Variants in PPP2R5C observed in about 807,000 individuals in gnomAD.
PPP2R5C encodes the protein protein phosphatase 2 regulatory subunit B'gamma.
In PPP2R5C, 7 loss-of-function variants were observed where a neutral mutation model predicts 68.9. The ratio of observed to expected loss-of-function variants is 0.10; its 90% confidence interval spans 0.06 to 0.19. PPP2R5C has a LOEUF of 0.19. Ranked by LOEUF, PPP2R5C falls within the 10% of genes least tolerant of loss-of-function variation. PPP2R5C has a pLI of 1.00. For synonymous variants in PPP2R5C, 210 were observed against 222.2 expected (o/e 0.95, Z 0.49); for missense variants, 348 against 641.3 (o/e 0.54, Z 4.94).
At chr14:101,844,401 C>T (rs1235766502) in intron 1 of PPP2R5C, among the ~76,000 whole-genome samples, 2 of 152,154 alleles carry the variant, frequency 1.3e-5, no homozygotes, top group South Asian at 2.1e-4. Context: ...ACATGGTACC[C>T]GTGTTGCTCT....
At chr14:101,921,236 G>A in intron 13 of PPP2R5C, 1 of 211,194 alleles carries the variant, frequency 4.7e-6, no homozygotes, top group South Asian at 4.5e-5. Flanking sequence ...GCTGATTTTT[G>A]TATTTTTAGC....
chr14:101,836,359 C>A, intron 1 of PPP2R5C: 1 of 702,540 alleles, frequency 1.4e-6, no homozygotes. Flanking sequence ...CAGCCTTCTC[C>A]CCTGCCCTTC....
chr14:101,789,800 C>G (rs1471509119), intron 3 of PPP2R5C: 1 of 151,878 alleles, frequency 6.6e-6, no homozygotes, highest in African/African-American at 2.4e-5. Context: ...ATTTCAGAAA[C>G]AATAAAATGT....
chr14:101,822,088 C>CCA (rs542594926), intron 1 of PPP2R5C, among the ~76,000 whole-genome samples: 3 of 138,902 alleles, frequency 2.2e-5, no homozygotes, highest in African/African-American at 8.5e-5. Flanking sequence ...TGCCCCCCCC[C>CCA]CACACACACA....
In PPP2R5C at chr14:101,917,393, T is replaced by C. The variant is rs748223766; in HGVS notation, c.1327-438T>C. On this transcript the variant is annotated intron_variant, in intron 12 of 13. Coordinates refer to ENST00000334743, the Ensembl canonical transcript of PPP2R5C. This position sits in a 1 kb window ranked among gnomAD's most constrained non-coding sequence, Gnocchi z 4.4. ...TGCCAGCTGTCTCGATGAGAGGACA[T>C]GATCGTGAGAGGAAAGGGAAAAGAA... Among the ~76,000 whole-genome samples, 1 of 151,736 alleles carries C rather than the reference T, an allele frequency of 6.6e-6. No individual in the cohort carries two copies. Among genetic ancestry groups the C allele is most frequent in the Admixed American group, 6.6e-5 (1 of 15,246 alleles).
rs778934811 is a variant in PPP2R5C, at chr14:101,830,951, A to G, written c.94+20915A>G. 4.6e-5 allele frequency among the ~76,000 whole-genome samples: 7 copies of G among 152,352 alleles called. No homozygotes were observed. The Middle Eastern group carries it at 0.01, about 222-fold the overall frequency. On this transcript the variant is annotated intron_variant, in intron 1 of 13. Coordinates refer to ENST00000334743, the Ensembl canonical transcript of PPP2R5C. ...TACCGTCACGGCAGCATTTGCAGGT[A>G]TTGGAGCTTTATTGTAAGTTTCTTC...
intron 2 of PPP2R5C, among the ~76,000 whole-genome samples, chr14:101,872,706 T>C (rs2043506821): frequency 6.6e-6 from 1 of 152,216 alleles, no homozygotes; most frequent in Non-Finnish European, 1.5e-5. Context: ...TCTGGGAGCT[T>C]TCACAGTTGT....
In PPP2R5C at chr14:101,917,972, G is replaced by C; in HGVS notation, c.1443+25G>C. 1.2e-6 allele frequency: 2 copies of C among 1,613,580 alleles called. No homozygotes were observed. Among genetic ancestry groups the C allele is most frequent in the Non-Finnish European group, 1.7e-6 (2 of 1,179,728 alleles). ...GGTAAAAGTGCACCGAGCTCAGCTG[G>C]GCACCCATGACTGATTTGCTTAAGA... On this transcript the variant is annotated intron_variant, in intron 13 of 13. Coordinates refer to ENST00000334743, the Ensembl canonical transcript of PPP2R5C. This position sits in a 1 kb window ranked among gnomAD's most constrained non-coding sequence, Gnocchi z 4.4.
At chr14:101,829,724 G>A (rs1287159307) in intron 1 of PPP2R5C, among the ~76,000 whole-genome samples, 1 of 152,114 alleles carries the variant, frequency 6.6e-6, no homozygotes, top group Non-Finnish European at 1.5e-5. Flanking sequence ...ATTACAGCGG[G>A]AGCAGGCAAC....
rs2046018436 is a variant in PPP2R5C, at chr14:101,906,305, A to C, written c.1024-97A>C. 1 of 1,303,958 alleles carries C rather than the reference A, an allele frequency of 7.7e-7. No individual in the cohort carries two copies. The highest frequency in any genetic ancestry group is 1.0e-6 in the Non-Finnish European group (1 of 958,178). 80.8% of individuals were successfully genotyped at this position (1,303,958 alleles called of 1,614,324 possible). A position where few individuals can be genotyped will look rare whatever the true frequency, so the allele number is the denominator to read the frequency against. On this transcript the variant is annotated intron_variant, in intron 9 of 13. Coordinates refer to ENST00000334743, the Ensembl canonical transcript of PPP2R5C. The surrounding 1 kb of genome is among the most constrained non-coding windows in gnomAD (Gnocchi z 4.0). ...GAAATAATCATAATTTTCTGGTCCA[A>C]GGTAGTTCATTACCCGACTCACAGG...
chr14:101,832,776 C>T (rs539787405), intron 1 of PPP2R5C, among the ~76,000 whole-genome samples: 4 of 152,286 alleles, frequency 2.6e-5, no homozygotes, highest in South Asian at 2.1e-4. Context: ...TCATCCACCC[C>T]GCCACTCCCA....
chr14:101,797,335 A>C lies in PPP2R5C; in HGVS notation c.259+11152A>C, dbSNP rs2038662121. On this transcript the variant is annotated intron_variant, in intron 3 of 14. Transcript: ENST00000328724. The surrounding 1 kb of genome is among the most constrained non-coding windows in gnomAD (Gnocchi z 4.2). Reference sequence around the variant, plus strand: ...ATCAGTGGATGGACGCGTGGGTTGCAGAGCACGCCACACACATTCAGTCAG... The same window carrying C: ...ATCAGTGGATGGACGCGTGGGTTGCCGAGCACGCCACACACATTCAGTCAG... The C allele has an allele frequency of 2.2e-6, 1 of 455,782 alleles. No homozygotes were observed. The highest frequency in any genetic ancestry group is 2.0e-5 in the African/African-American group (1 of 50,076). 28.2% of individuals were successfully genotyped at this position (455,782 alleles called of 1,614,324 possible). A position where few individuals can be genotyped will look rare whatever the true frequency, so the allele number is the denominator to read the frequency against.
chr14:101,831,768 C>T (rs1042311498), intron 1 of PPP2R5C: 35 of 702,090 alleles, frequency 5.0e-5, no homozygotes, highest in Admixed American at 8.0e-5. Context: ...ACGGGTTCTG[C>T]GGGCCGACTG....
At chr14:101,866,781 A>G (rs2043094840) in intron 2 of PPP2R5C, among the ~76,000 whole-genome samples, 2 of 152,146 alleles carry the variant, frequency 1.3e-5, no homozygotes. Context: ...CACTTTTGTA[A>G]TTTTTAAAAA....
intron 1 of PPP2R5C, among the ~76,000 whole-genome samples, chr14:101,821,442 T>TGG (rs1468681928): frequency 7.8e-5 from 7 of 90,066 alleles, no homozygotes; most frequent in African/African-American, 2.6e-4. Flanking sequence ...CTGTGGGGGG[T>TGG]GGGTGGGTGG....
chr14:101,774,277 C>T (rs1338286907), intron 2 of PPP2R5C, among the ~76,000 whole-genome samples: 1 of 152,220 alleles, frequency 6.6e-6, no homozygotes, highest in East Asian at 1.9e-4. Flanking sequence ...AGAGACTAAA[C>T]TGCAGAGAAT....
chr14:101,769,592 TTAAA>T (rs1325513811), intron 2 of PPP2R5C, among the ~76,000 whole-genome samples: 8 of 152,244 alleles, frequency 5.3e-5, no homozygotes, highest in East Asian at 1.9e-4. Flanking sequence ...GTAATTCATT[TTAAA>T]TAAATAACAG....
intron 3 of PPP2R5C, among the ~76,000 whole-genome samples, chr14:101,787,368 G>A (rs1056739375): frequency 2.6e-5 from 4 of 152,030 alleles, no homozygotes; most frequent in African/African-American, 7.2e-5. Context: ...GTGGAAGGAG[G>A]AAGGGAGGAA....
At chr14:101,892,866 T>C (rs918048099) in intron 6 of PPP2R5C, 134 bp from the exon 9 acceptor site, 3 of 651,938 alleles carry the variant, frequency 4.6e-6, no homozygotes, top group South Asian at 1.9e-5. Flanking sequence ...CACAGGTGCA[T>C]GGCAACATGC....
Sources: allele counts gnomAD v4.1 joint callset (sites outside exome capture counted in the v4.1 genomes callset), GRCh38; gene constraint gnomAD v4.1.1; non-coding constraint Gnocchi (gnomAD v3.1); transcripts MANE v1.5; gene names NCBI Gene and HGNC (gene_info 2026-07-23, HGNC 2026-07-21).